Variants in RFWD3 observed in about 807,000 individuals in gnomAD.
RFWD3 encodes E3 ubiquitin-protein ligase RFWD3.
Under a neutral mutation model 87.7 loss-of-function variants are expected in RFWD3, and 65 were observed. The observed-to-expected ratio is 0.74, with a 90% CI of 0.61 to 0.91. RFWD3 has a LOEUF of 0.91. Ranked by LOEUF, RFWD3 falls within the 40% of genes least tolerant of loss-of-function variation. The pLI, the probability that RFWD3 is intolerant of heterozygous loss-of-function variation, is 0.00. For synonymous variants in RFWD3, 433 were observed against 352.8 expected, an observed-to-expected ratio of 1.23 and a Z score of -2.55; for missense variants, 1,078 against 938.5, an observed-to-expected ratio of 1.15 and a Z score of -1.94.
chr16:74,632,607 T>C lies in RFWD3; in HGVS notation c.1493A>G (p.Lys498Arg). The C allele has an allele frequency of 2.5e-6, 4 of 1,614,154 alleles. No homozygotes were observed. The highest frequency in any genetic ancestry group is 1.7e-5 in the Admixed American group (1 of 60,014). ...KSSQYIPMHGKQIRGLAFSSY... is the reference protein window; with the variant it reads ...KSSQYIPMHGRQIRGLAFSSY... Reference sequence around the variant, plus strand: ...GCTAAACGCCAGTCCACGGATCTGTTTGCCATGCATCGGAATGTACTGACT... The same window carrying C: ...GCTAAACGCCAGTCCACGGATCTGTCTGCCATGCATCGGAATGTACTGACT... Residue 498 changes from lysine (K) to arginine (R), a missense_variant, in exon 9 of 13, where the codon AAA becomes AGA. Lys to Arg is a conservative substitution (Grantham distance 26, BLOSUM62 2). Transcript: ENST00000361070.
At chr16:74,634,865 G>A (rs2144102537) in intron 8 of RFWD3, among the ~76,000 whole-genome samples, 1 of 152,224 alleles carries the variant, frequency 6.6e-6, no homozygotes. Flanking sequence ...AAGGTGGCCA[G>A]GCATGGTGGC....
rs1960843288 is a variant in RFWD3 at position 74,654,892 on chromosome 16, C to T, written c.519-2770G>A. On this transcript the variant is annotated intron_variant, in intron 2 of 12. Coordinates refer to ENST00000361070, the MANE Select transcript of RFWD3 (RefSeq NM_018124.4). ...TCCCTAATCCAGAGGAAGGCCCCAA[C>T]TCTCTTTAATTCTGTGAAAGCTGAG... is the stretch of plus-strand genomic sequence containing the variant. 3.3e-5 allele frequency among the ~76,000 whole-genome samples: 5 copies of T among 152,320 alleles called. No homozygotes were observed. The South Asian group carries it at 1.0e-3, about 32-fold the overall frequency.
intron 6 of RFWD3, among the ~76,000 whole-genome samples, chr16:74,642,863 G>A (rs1382160736): frequency 6.6e-6 from 1 of 152,172 alleles, no homozygotes; most frequent in African/African-American, 2.4e-5. Context: ...GTAAAAGGCT[G>A]TTCGTTTTAT....
At chr16:74,630,139 A>G (rs1959045111) in intron 10 of RFWD3, among the ~76,000 whole-genome samples, 1 of 151,630 alleles carries the variant, frequency 6.6e-6, no homozygotes, top group Non-Finnish European at 1.5e-5. Flanking sequence ...TCTGTTGCCC[A>G]GACTGGAGTG....
chr16:74,655,017 G>A (rs993659866), intron 2 of RFWD3, among the ~76,000 whole-genome samples: 4 of 152,192 alleles, frequency 2.6e-5, no homozygotes, highest in East Asian at 1.9e-4. Context: ...AGCAGCAAGC[G>A]CTGACATTGA....
intron 4 of RFWD3, among the ~76,000 whole-genome samples, chr16:74,645,741 T>C (rs1372720962): frequency 2.1e-5 from 3 of 139,574 alleles, no homozygotes; most frequent in Middle Eastern, 3.3e-3. Context: ...GTCACAAATA[T>C]TTTCTTTTTT....
chr16:74,624,736 C>T (rs1958871426), intron 12 of RFWD3, among the ~76,000 whole-genome samples: 1 of 152,188 alleles, frequency 6.6e-6, no homozygotes, highest in Non-Finnish European at 1.5e-5. Flanking sequence ...TGTCTCACAC[C>T]TGTAATTCCA....
At chr16:74,662,984 A>C (rs564695011) in intron 1 of RFWD3, among the ~76,000 whole-genome samples, 70 of 151,268 alleles carry the variant, frequency 4.6e-4, no homozygotes, top group African/African-American at 1.7e-3. Flanking sequence ...GGCTCACTGC[A>C]AGCTCCGCCT....
intron 3 of RFWD3, among the ~76,000 whole-genome samples, chr16:74,651,601 G>A (rs750106194): frequency 6.6e-6 from 1 of 152,090 alleles, no homozygotes; most frequent in South Asian, 2.1e-4. Flanking sequence ...GTTGTCACTG[G>A]GGGACAGAGC....
Position 74,661,733 on chromosome 16 carries a change from A to C in RFWD3, c.-2-282T>G, listed in dbSNP as rs535638623. Among the ~76,000 whole-genome samples the C allele has an allele frequency of 6.0e-4, 92 of 152,350 alleles. 2 individuals carry two copies. In the South Asian group the frequency reaches 0.018, roughly 30 times the overall value. The stretch of plus-strand genomic sequence containing the variant: ...CCAAAATAGAAAGATCTATAAACCA[A>C]GGAGATTAAACTACTGGGTCTAAAA... On this transcript the variant is annotated intron_variant, in intron 1 of 12. Transcript: ENST00000361070.
At chr16:74,635,470 A>G (rs550816183) in intron 8 of RFWD3, among the ~76,000 whole-genome samples, 1 of 93,922 alleles carries the variant, frequency 1.1e-5, no homozygotes, top group Admixed American at 9.3e-5. Context: ...CCATCTCAAA[A>G]GAAAAAAAAA....
At chr16:74,637,730 T>G (rs991217246) in intron 7 of RFWD3, 126 bp downstream of exon 7, 2 of 640,270 alleles carry the variant, frequency 3.1e-6, no homozygotes, top group Non-Finnish European at 5.6e-6. Context: ...AAATAAGGAG[T>G]TGGTCATGTT....
At chr16:74,648,946 G>A (rs1192994129) in intron 4 of RFWD3, among the ~76,000 whole-genome samples, 186 bp downstream of exon 4, 1 of 152,058 alleles carries the variant, frequency 6.6e-6, no homozygotes, top group African/African-American at 2.4e-5. Flanking sequence ...AGCCGAGTGT[G>A]GTGGCATTAC....
intron 1 of RFWD3, 103 bp from the exon 2 acceptor site, chr16:74,661,554 T>G: frequency 4.6e-6 from 5 of 1,096,354 alleles, no homozygotes; most frequent in Non-Finnish European, 6.5e-6. Context: ...TTTAATATCA[T>G]TCTTAGCAAG....
At chr16:74,646,900 G>A (rs1043596903) in intron 4 of RFWD3, among the ~76,000 whole-genome samples, 1 of 147,710 alleles carries the variant, frequency 6.8e-6, no homozygotes, top group Non-Finnish European at 1.5e-5. Context: ...GTGAAACCCC[G>A]TCTCAACAAC....
At position 74,661,131 on chromosome 16, in the gene RFWD3, C is replaced by A. The variant is rs781495740; in HGVS notation, c.319G>T (p.Asp107Tyr). 6.2e-7 allele frequency: 1 copy of A among 1,614,080 alleles called. No homozygotes were observed. The highest frequency in any genetic ancestry group is 1.3e-5 in the African/African-American group (1 of 74,946). ...RTSEQHRQGS[D>Y]GNHTIPASSL... The stretch of plus-strand genomic sequence containing the variant: ...GATGCTGGGATGGTGTGATTACCAT[C>A]AGATCCCTGCCTATGTTGTTCTGAA... Residue 107 changes from aspartate to tyrosine, a missense_variant, in exon 2 of 13, where the codon GAT (aspartate) becomes TAT (tyrosine). Physicochemically the swap from Asp to Tyr is radical, Grantham distance 160. Transcript: ENST00000361070.
chr16:74,634,732 A>T (rs750801330), intron 8 of RFWD3, among the ~76,000 whole-genome samples: 26 of 151,460 alleles, frequency 1.7e-4, no homozygotes, highest in Non-Finnish European at 3.4e-4. Flanking sequence ...GATTCAAGAT[A>T]GCTTCAGCTT....
At chr16:74,633,438 C>G (rs1003111874) in intron 8 of RFWD3, among the ~76,000 whole-genome samples, 3 of 151,018 alleles carry the variant, frequency 2.0e-5, no homozygotes, top group African/African-American at 7.3e-5. Flanking sequence ...GAATACCACC[C>G]GTTAAAAAGG....
At chr16:74,643,959 G>A (rs367955834) in intron 6 of RFWD3, 1 of 246,132 alleles carries the variant, frequency 4.1e-6, no homozygotes, top group Middle Eastern at 1.6e-3. Flanking sequence ...TTACAGGCGT[G>A]AGCCACCATG....
Sources: allele counts gnomAD v4.1 joint callset (sites outside exome capture counted in the v4.1 genomes callset), GRCh38; gene constraint gnomAD v4.1.1; transcripts MANE v1.5; gene names NCBI Gene and HGNC (gene_info 2026-07-23, HGNC 2026-07-21).